Variants in TMEM108 observed in about 807,000 individuals in gnomAD.
TMEM108 encodes cancer/testis antigen 124.
In TMEM108, 12 loss-of-function variants were observed where a neutral mutation model predicts 35.1. That is an observed-to-expected ratio of 0.34 (90% CI 0.22 to 0.55). The LOEUF is 0.55. TMEM108 is among the 20% of genes least tolerant of loss of function. The probability of loss-of-function intolerance (pLI) is 0.89; values close to 1 mark genes in which losing one functional copy is unlikely to be tolerated. For missense variants in TMEM108, 680 were observed against 753.3 expected (o/e 0.90, Z 1.14); for synonymous variants, 287 against 308.6 (o/e 0.93, Z 0.73).
intron 2 of TMEM108, among the ~76,000 whole-genome samples, chr3:133,162,043 C>G (rs1222639069): frequency 6.6e-6 from 1 of 152,006 alleles, no homozygotes; most frequent in Non-Finnish European, 1.5e-5. Context: ...ACCTGCTAGA[C>G]ATATAGCAAA....
intron 3 of TMEM108, among the ~76,000 whole-genome samples, chr3:133,269,863 T>G (rs1010977482): frequency 6.6e-6 from 1 of 152,142 alleles, no homozygotes; most frequent in African/African-American, 2.4e-5. Flanking sequence ...TTTGCAATTG[T>G]ACCACCCCAT....
At chr3:133,293,836 A>G (rs907312680) in intron 3 of TMEM108, among the ~76,000 whole-genome samples, 1 of 152,026 alleles carries the variant, frequency 6.6e-6, no homozygotes, top group Non-Finnish European at 1.5e-5. Context: ...GGAAGCAGAG[A>G]CCATCACCTC....
At chr3:133,243,619 C>T (rs1300832518) in intron 3 of TMEM108, among the ~76,000 whole-genome samples, 2 of 152,060 alleles carry the variant, frequency 1.3e-5, no homozygotes, top group Non-Finnish European at 2.9e-5. Flanking sequence ...CTCCTGGGTT[C>T]ACGCCATTCT....
intron 2 of TMEM108, among the ~76,000 whole-genome samples, chr3:133,089,180 C>T (rs1345822358): frequency 1.3e-5 from 2 of 152,102 alleles, no homozygotes; most frequent in Non-Finnish European, 2.9e-5. Context: ...CAATCACCTC[C>T]CACCAGGCCC....
chr3:133,069,936 A>G (rs1000659698), intron 2 of TMEM108, among the ~76,000 whole-genome samples: 1 of 152,054 alleles, frequency 6.6e-6, no homozygotes, highest in African/African-American at 2.4e-5. Context: ...TTTATTCACT[A>G]TTTTTACTCA....
intron 3 of TMEM108, among the ~76,000 whole-genome samples, chr3:133,328,542 G>T (rs186232412): frequency 2.0e-5 from 3 of 152,300 alleles, no homozygotes; most frequent in Non-Finnish European, 4.4e-5. Context: ...GTTCAGCAGG[G>T]TGTCTTCCCT....
At chr3:133,202,362 T>A (rs1416262955) in intron 2 of TMEM108, among the ~76,000 whole-genome samples, 1 of 152,180 alleles carries the variant, frequency 6.6e-6, no homozygotes, top group Non-Finnish European at 1.5e-5. Context: ...TCACAAAGTC[T>A]TTGCCCATGC....
chr3:133,382,314 C>T (rs1390633593), intron 4 of TMEM108, among the ~76,000 whole-genome samples: 2 of 152,220 alleles, frequency 1.3e-5, no homozygotes, highest in Non-Finnish European at 2.9e-5. Context: ...CACTCTATGG[C>T]CCTAAGCTGT....
intron 3 of TMEM108, among the ~76,000 whole-genome samples, chr3:133,299,763 C>T (rs1483307187): frequency 6.6e-6 from 1 of 152,186 alleles, no homozygotes; most frequent in South Asian, 2.1e-4. Flanking sequence ...ACCCAACACA[C>T]ACACACTCTT....
chr3:133,145,274 A>C (rs897126382), intron 2 of TMEM108, among the ~76,000 whole-genome samples: 3 of 152,128 alleles, frequency 2.0e-5, no homozygotes, highest in Non-Finnish European at 1.5e-5. Context: ...AGATGGTTGT[A>C]GATGTGTGGT....
At chr3:133,055,119 G>C (rs1414792381) in intron 2 of TMEM108, among the ~76,000 whole-genome samples, 1 of 152,122 alleles carries the variant, frequency 6.6e-6, no homozygotes, top group Non-Finnish European at 1.5e-5. Context: ...CCCATCCCCT[G>C]TATTGAATTT....
chr3:133,235,859 G>C (rs1946228196), intron 3 of TMEM108, among the ~76,000 whole-genome samples: 1 of 152,082 alleles, frequency 6.6e-6, no homozygotes, highest in Admixed American at 6.6e-5. Context: ...CTTTTGCCAA[G>C]CCACATCACA....
intron 2 of TMEM108, among the ~76,000 whole-genome samples, chr3:133,111,314 T>A (rs571907203): frequency 6.6e-5 from 10 of 152,238 alleles, no homozygotes; most frequent in African/African-American, 2.4e-4. Context: ...AGGAAGTAAA[T>A]GGCAGAGTTG....
intron 3 of TMEM108, among the ~76,000 whole-genome samples, chr3:133,248,919 TC>T (rs1438756854): frequency 2.6e-5 from 4 of 152,172 alleles, no homozygotes; most frequent in Non-Finnish European, 5.9e-5. Flanking sequence ...CATCTAGCCC[TC>T]AGAGAATGCA....
chr3:133,376,625 T>C (rs1033518256), intron 3 of TMEM108, among the ~76,000 whole-genome samples: 1 of 152,248 alleles, frequency 6.6e-6, no homozygotes, highest in African/African-American at 2.4e-5. Flanking sequence ...GGGTGAGTGT[T>C]CTTTTCAGGC....
At chr3:133,055,999 A>G (rs574748262) in intron 2 of TMEM108, among the ~76,000 whole-genome samples, 1 of 152,340 alleles carries the variant, frequency 6.6e-6, no homozygotes, top group Admixed American at 6.5e-5. Context: ...CCATATTAAT[A>G]CAGTCCTGGA....
intron 2 of TMEM108, among the ~76,000 whole-genome samples, chr3:133,208,544 A>G (rs1304055907): frequency 2.6e-5 from 4 of 151,992 alleles, no homozygotes. Context: ...TTGATTTGGG[A>G]AGATTGTGCT....
chr3:133,200,248 A>G (rs1011950496), intron 2 of TMEM108, among the ~76,000 whole-genome samples: 2 of 152,118 alleles, frequency 1.3e-5, no homozygotes, highest in Non-Finnish European at 2.9e-5. Context: ...GCTTCTGCTT[A>G]TGCTCGGTAG....
chr3:133,094,201 T>C (rs2107709364), intron 2 of TMEM108, among the ~76,000 whole-genome samples: 1 of 143,786 alleles, frequency 7.0e-6, no homozygotes, highest in African/African-American at 2.5e-5. Flanking sequence ...CATTCTTTCT[T>C]TCTCCCCTTC....
Sources: gnomAD v4.1 joint callset for allele counts (sites outside exome capture counted in the v4.1 genomes callset) on GRCh38, gnomAD v4.1.1 for gene constraint, MANE v1.5 for transcripts, NCBI Gene and HGNC (gene_info 2026-07-23, HGNC 2026-07-21) for gene names.